The following ARHGEF26 variants were observed in gnomAD, a reference collection of about 807,000 sequenced individuals.
ARHGEF26 encodes Rho guanine nucleotide exchange factor 26, also known as Rho guanine nucleotide exchange factor (GEF) 26.
In ARHGEF26, 59 loss-of-function variants were observed where a neutral mutation model predicts 89.4. That is an observed-to-expected ratio of 0.66 (90% CI 0.54 to 0.82). The LOEUF is 0.82. Among genes scored for constraint, ARHGEF26 ranks in the 40% least tolerant of loss-of-function variants. The probability of loss-of-function intolerance (pLI) is 0.00; values close to 1 mark genes in which losing one functional copy is unlikely to be tolerated. For missense variants in ARHGEF26, 1,234 were observed against 1,085.6 expected (o/e 1.14, Z -1.92); for synonymous variants, 500 against 428.4 (o/e 1.17, Z -2.06).
At chr3:154,252,041 G>C (rs1030773594) in intron 12 of ARHGEF26, among the ~76,000 whole-genome samples, 6 of 152,152 alleles carry the variant, frequency 3.9e-5, no homozygotes, top group African/African-American at 1.4e-4. Context: ...GTTCCAATGC[G>C]GTAAGTCATC....
chr3:154,163,980 C>T (rs1056271645), intron 6 of ARHGEF26, among the ~76,000 whole-genome samples: 22 of 152,102 alleles, frequency 1.4e-4, no homozygotes, highest in Admixed American at 8.5e-4. Flanking sequence ...CCTCCTTAAA[C>T]TACTTTACAG....
intron 11 of ARHGEF26, among the ~76,000 whole-genome samples, chr3:154,226,971 A>G (rs1380366129): frequency 6.6e-6 from 1 of 152,210 alleles, no homozygotes; most frequent in Non-Finnish European, 1.5e-5. Context: ...GTCCAAATGT[A>G]TCAGGCATAT....
intron 6 of ARHGEF26, among the ~76,000 whole-genome samples, chr3:154,161,147 C>T (rs997506165): frequency 6.6e-6 from 1 of 150,514 alleles, no homozygotes; most frequent in Admixed American, 6.6e-5. Flanking sequence ...TGTGTGTGTA[C>T]ACTTTGTCCC....
At chr3:154,175,368 T>A (rs1450083584) in intron 6 of ARHGEF26, among the ~76,000 whole-genome samples, 1 of 152,176 alleles carries the variant, frequency 6.6e-6, no homozygotes, top group Non-Finnish European at 1.5e-5. Flanking sequence ...CATATGTTCA[T>A]TAACTTTCCA....
intron 1 of ARHGEF26, 66 bp downstream of exon 1, chr3:154,121,585 A>C (rs1727886): frequency 0.65 from 117,862 of 181,220 alleles, 39,992 homozygotes; most frequent in South Asian, 0.75. Context: ...GGGAGGCTGG[A>C]TGGCGACAGA....
intron 10 of ARHGEF26, among the ~76,000 whole-genome samples, chr3:154,219,459 G>T (rs1715978871): frequency 6.6e-6 from 1 of 152,128 alleles, no homozygotes; most frequent in South Asian, 2.1e-4. Context: ...GCCGGGTGTA[G>T]TGGCAGGCAC....
intron 12 of ARHGEF26, among the ~76,000 whole-genome samples, chr3:154,241,796 A>G (rs925047975): frequency 1.3e-5 from 2 of 152,218 alleles, no homozygotes; most frequent in Admixed American, 6.5e-5. Flanking sequence ...TTCTTGCTGA[A>G]GACAGGCCAG....
At chr3:154,229,461 T>A (rs752245866) in intron 11 of ARHGEF26, among the ~76,000 whole-genome samples, 9 of 152,192 alleles carry the variant, frequency 5.9e-5, no homozygotes, top group Non-Finnish European at 1.0e-4. Context: ...AAAGGATACA[T>A]GATTGATTAC....
chr3:154,156,025 C>T (rs1720319826), intron 6 of ARHGEF26, among the ~76,000 whole-genome samples: 2 of 151,780 alleles, frequency 1.3e-5, no homozygotes, highest in Admixed American at 6.6e-5. Flanking sequence ...GGTAATTTAT[C>T]AAAACATAAA....
At chr3:154,155,786 A>G (rs1253479107) in intron 6 of ARHGEF26, among the ~76,000 whole-genome samples, 1 of 151,922 alleles carries the variant, frequency 6.6e-6, no homozygotes. Context: ...TAGGCATGTA[A>G]AGATCATCAC....
chr3:154,124,427 A>G lies in ARHGEF26; in HGVS notation c.1101A>G (p.Gly367=), dbSNP rs1718198186. The G allele has an allele frequency of 6.6e-7, 1 of 1,511,618 alleles. No individual in the cohort carries two copies. Among genetic ancestry groups the G allele is most frequent in the South Asian group, 1.3e-5 (1 of 74,858 alleles). The allele number at this position is 1,511,618 out of a possible 1,614,324, so 93.6% of individuals were successfully genotyped here. A position where few individuals can be genotyped will look rare whatever the true frequency, so the allele number is the denominator to read the frequency against. The change falls in exon 3 of 15, where the codon GGA becomes GGG. Residue 367 remains glycine, a synonymous_variant. Coordinates refer to ENST00000465093, the MANE Select transcript of ARHGEF26 (RefSeq NM_015595.4). ...TCTCTTAGAAAAAAATGCTGAAAGG[A>G]CAAGGAACATTTGATGGGGAAGGTA... ...LGRIKKKMLK[G]QGTFDGEENA...
rs548664107 is a variant in ARHGEF26 at position 154,209,262 on chromosome 3, G to C, written c.1846-8607G>C. ...GTGTGTTTCTCCAGGATTGGTCCCT[G>C]GTTCCTTATTTAGTTCATTTGGTGA... is the stretch of plus-strand genomic sequence containing the variant. On this transcript the variant is annotated intron_variant, in intron 9 of 14. Coordinates refer to ENST00000465093, the MANE Select transcript of ARHGEF26 (RefSeq NM_015595.4). Among the ~76,000 whole-genome samples, 3 of 152,224 alleles carry C rather than the reference G, an allele frequency of 2.0e-5. No homozygotes were observed. In the South Asian group the frequency reaches 6.2e-4, roughly 32 times the overall value.
chr3:154,223,217 G>C lies in ARHGEF26; in HGVS notation c.1936-2639G>C, dbSNP rs114862507. Among the ~76,000 whole-genome samples, 1,233 of 152,186 alleles carry C rather than the reference G, an allele frequency of 8.1e-3. 16 individuals carry two copies. The highest frequency in any genetic ancestry group is 0.028 in the African/African-American group (1,178 of 41,494). ...GGTATGTTAGTTGACAGAAGGCTTT[G>C]CTGGTTGCCATTTGGGGGCCTTGCT... On this transcript the variant is annotated intron_variant, in intron 10 of 14. Transcript: ENST00000465093.
chr3:154,190,755 G>A (rs1188970354), intron 7 of ARHGEF26, among the ~76,000 whole-genome samples: 3 of 152,172 alleles, frequency 2.0e-5, no homozygotes, highest in African/African-American at 7.2e-5. Context: ...AGAAAAAGAG[G>A]AATATTTCGA....
chr3:154,177,571 A>G (rs1011437562), intron 6 of ARHGEF26, among the ~76,000 whole-genome samples: 3 of 152,174 alleles, frequency 2.0e-5, no homozygotes, highest in African/African-American at 7.2e-5. Flanking sequence ...AAGATGCTTA[A>G]CATTCCACAT....
chr3:154,160,211 A>G lies in ARHGEF26; in HGVS notation c.1487+7279A>G, dbSNP rs1352589995. 3.3e-5 allele frequency among the ~76,000 whole-genome samples: 5 copies of G among 152,352 alleles called. No individual in the cohort carries two copies. The East Asian group carries it at 5.8e-4, about 18-fold the overall frequency. On this transcript the variant is annotated intron_variant, in intron 6 of 14. Transcript: ENST00000465093. ...CCCGAAGTATTTTCACAATACTTCA[A>G]AGTAAGTCTACGTGAGTATTCTAGT...
chr3:154,203,226 C>G (rs932366047), intron 9 of ARHGEF26, among the ~76,000 whole-genome samples: 1 of 152,098 alleles, frequency 6.6e-6, no homozygotes, highest in African/African-American at 2.4e-5. Context: ...TGAATTTTGT[C>G]AAAGGCCTTT....
chr3:154,172,111 G>A (rs970290490), intron 6 of ARHGEF26, among the ~76,000 whole-genome samples: 6 of 152,182 alleles, frequency 3.9e-5, no homozygotes, highest in African/African-American at 7.2e-5. Flanking sequence ...AAGGCTCTGC[G>A]CAAGAAGCAG....
chr3:154,192,915 A>G (rs1399180039), intron 8 of ARHGEF26, among the ~76,000 whole-genome samples: 1 of 152,210 alleles, frequency 6.6e-6, no homozygotes, highest in Non-Finnish European at 1.5e-5. Context: ...GTGATGGCCA[A>G]GCCTTTTATA....
Sources: gnomAD v4.1 joint callset for allele counts (sites outside exome capture counted in the v4.1 genomes callset) on GRCh38, gnomAD v4.1.1 for gene constraint, MANE v1.5 for transcripts, NCBI Gene and HGNC (gene_info 2026-07-23, HGNC 2026-07-21) for gene names.